HEATR1: variants seen among roughly 807,000 people sequenced by gnomAD.
HEATR1 encodes the protein HEAT repeat containing 1.
A neutral mutation model predicts 248.2 loss-of-function variants in HEATR1; 77 were observed. That is an observed-to-expected ratio of 0.31 (90% CI 0.26 to 0.37). The LOEUF is 0.37. Among genes scored for constraint, HEATR1 ranks in the 10% least tolerant of loss-of-function variants. The probability of loss-of-function intolerance (pLI) is 1.00; values close to 1 mark genes in which losing one functional copy is unlikely to be tolerated. For synonymous variants in HEATR1, 897 were observed against 923.1 expected (o/e 0.97, Z 0.51); for missense variants, 2,420 against 2,504.9 (o/e 0.97, Z 0.72).
chr1:236,551,132 G>C (rs1340980961), intron 44 of HEATR1, 142 bp from the exon 45 acceptor site: 1 of 656,820 alleles, frequency 1.5e-6, no homozygotes, highest in Non-Finnish European at 2.5e-6. Context: ...AACAAAGCAG[G>C]AGGCGCCACG....
intron 20 of HEATR1, among the ~76,000 whole-genome samples, chr1:236,579,471 G>A (rs1372992909): frequency 6.6e-6 from 1 of 152,108 alleles, no homozygotes; most frequent in East Asian, 1.9e-4. Flanking sequence ...TAAAATATAT[G>A]TACCTTTTTG....
At position 236,569,120 on chromosome 1, in the gene HEATR1, T is replaced by C; in HGVS notation, c.3953A>G (p.Lys1318Arg). ...LGTVAGIFPDKVLHNIMSIFT... is the reference protein window; with the variant it reads ...LGTVAGIFPDRVLHNIMSIFT... ...AATAGACATGATATTGTGTAAAACT[T>C]TATCCTGAAAGAAAACACAACTATC... is the stretch of plus-strand genomic sequence containing the variant. Residue 1318 changes from lysine (K) to arginine (R), a missense_variant, in exon 29 of 45, where the codon AAA becomes AGA. By Grantham distance (26) the Lys-to-Arg change is conservative. Coordinates refer to ENST00000366582, the MANE Select transcript of HEATR1 (RefSeq NM_018072.6). 6.4e-7 allele frequency: 1 copy of C among 1,574,354 alleles called. No homozygotes were observed. Among genetic ancestry groups the C allele is most frequent in the Admixed American group, 2.1e-5 (1 of 48,300 alleles).
intron 13 of HEATR1, 124 bp from the exon 14 acceptor site, chr1:236,587,614 TA>T: frequency 2.1e-6 from 1 of 466,202 alleles, no homozygotes; most frequent in South Asian, 6.7e-5. Context: ...TAGTACAAAT[TA>T]AAAGTTTTAA....
chr1:236,572,874 T>C (rs1202578059), intron 24 of HEATR1, 46 bp from the exon 25 acceptor site: 2 of 1,511,084 alleles, frequency 1.3e-6, no homozygotes, highest in African/African-American at 2.7e-5. Flanking sequence ...TCCATTGGGA[T>C]AAAATTAGAG....
At position 236,578,055 on chromosome 1, in the gene HEATR1, T is replaced by C. The variant is rs181579723; in HGVS notation, c.2756-1106A>G. On this transcript the variant is annotated intron_variant, in intron 20 of 44. Transcript: ENST00000366582. Reference sequence around the variant, plus strand: ...AGAGTCAAGTTTTTCTTCTACTTTTTTTCTGGTGCTTAGAAAGGCCCTCCT... The same window carrying C: ...AGAGTCAAGTTTTTCTTCTACTTTTCTTCTGGTGCTTAGAAAGGCCCTCCT... Among the ~76,000 whole-genome samples, 11 of 152,318 alleles carry C rather than the reference T, an allele frequency of 7.2e-5. No homozygotes were observed. The East Asian group carries it at 1.9e-3, about 27-fold the overall frequency.
In HEATR1 at chr1:236,572,565, G is replaced by T. The variant is rs758202813; in HGVS notation, c.3564-11C>A. On this transcript the variant is annotated splice_polypyrimidine_tract_variant and intron_variant, in intron 25 of 44. Coordinates refer to ENST00000366582, the MANE Select transcript of HEATR1 (RefSeq NM_018072.6). ...AGATCTTGTGATTTTCTGGAAAATG[G>T]AGAAGACAAAACGTTGGAAAAGCAA... 6.2e-7 allele frequency: 1 copy of T among 1,613,482 alleles called. No individual in the cohort carries two copies. Among genetic ancestry groups the T allele is most frequent in the South Asian group, 1.1e-5 (1 of 91,014 alleles).
chr1:236,571,601 T>C lies in HEATR1; in HGVS notation c.3793A>G (p.Lys1265Glu). ...ATTTTGCCACCATCTGGAGATAGTT[T>C]TTGGCAGATGTTGAGCAGACAACTA... Reference protein sequence around the residue: ...ILSCLLNICQKLSPDGGKIPK... With the variant: ...ILSCLLNICQELSPDGGKIPK... The change falls in exon 27 of 45, where the codon AAA becomes GAA. Residue 1265 changes from lysine to glutamate, a missense_variant. Coordinates refer to ENST00000366582, the MANE Select transcript of HEATR1 (RefSeq NM_018072.6). 1 of 1,614,080 alleles carries C rather than the reference T, an allele frequency of 6.2e-7. No individual in the cohort carries two copies. The highest frequency in any genetic ancestry group is 8.5e-7 in the Non-Finnish European group (1 of 1,179,912).
rs560223091 is a variant in HEATR1, at chr1:236,564,852, G to T, written c.4436-191C>A. On this transcript the variant is annotated intron_variant, in intron 31 of 44. Coordinates refer to ENST00000366582, the MANE Select transcript of HEATR1 (RefSeq NM_018072.6). ...AAACGTGAGTGTATTTGCCAAGAAA[G>T]TACCCAGTGGCCCTGAGAAGCGAGT... Among the ~76,000 whole-genome samples, 34 of 152,302 alleles carry T rather than the reference G, an allele frequency of 2.2e-4. 1 individual carries two copies. In the South Asian group the frequency reaches 6.8e-3, roughly 31 times the overall value.
intron 25 of HEATR1, 44 bp from the exon 26 acceptor site, chr1:236,572,598 C>G: frequency 1.9e-6 from 3 of 1,611,440 alleles, no homozygotes; most frequent in Non-Finnish European, 2.5e-6. Context: ...CAAACTCTAT[C>G]ATGTGCTAAG....
chr1:236,598,100 C>G, intron 4 of HEATR1, 121 bp from the exon 5 acceptor site: 1 of 565,918 alleles, frequency 1.8e-6, no homozygotes, highest in South Asian at 3.0e-5. Flanking sequence ...TATAATCTCT[C>G]CTTATAACTG....
chr1:236,559,655 T>A, intron 34 of HEATR1, 59 bp downstream of exon 34: 1 of 1,529,196 alleles, frequency 6.5e-7, no homozygotes, highest in Non-Finnish European at 8.9e-7. Context: ...TTACATAATT[T>A]CACAATAATT....
rs943244321 is a variant in HEATR1, at chr1:236,557,417, T to C, written c.5205-72A>G. On this transcript the variant is annotated intron_variant, in intron 36 of 44. Coordinates refer to ENST00000366582, the MANE Select transcript of HEATR1 (RefSeq NM_018072.6). ...GGCTAGGGAATGGAGTAGAGGGCATTATGAAAAAAACCAGCAAACTGTGCC... is the reference window on the plus strand; with the variant it reads ...GGCTAGGGAATGGAGTAGAGGGCATCATGAAAAAAACCAGCAAACTGTGCC... 6 of 1,515,638 alleles carry C rather than the reference T, an allele frequency of 4.0e-6. No homozygotes were observed. In the African/African-American group the frequency reaches 7.0e-5, roughly 18 times the overall value. 93.9% of individuals were successfully genotyped at this position (1,515,638 alleles called of 1,614,324 possible).
rs772883589 is a variant in HEATR1, at chr1:236,564,594, A to G, written c.4503T>C (p.Asn1501=). The change falls in exon 32 of 45, where the codon AAT becomes AAC. Residue 1501 remains asparagine, a synonymous_variant. Transcript: ENST00000366582. ...ESQEEMLQVF[N]VETHTSKQLR... is the part of the protein sequence containing the mutation. The stretch of plus-strand genomic sequence containing the variant: ...GTTGCTTGCTAGTGTGAGTCTCTAC[A>G]TTAAAAACCTGTAGCATTTCTTCTT... 3 of 1,613,950 alleles carry G rather than the reference A, an allele frequency of 1.9e-6. No homozygotes were observed. Among genetic ancestry groups the G allele is most frequent in the African/African-American group, 1.3e-5 (1 of 75,060 alleles).
rs200043693 is a variant in HEATR1 at position 236,576,790 on chromosome 1, T to C, written c.2915A>G (p.Tyr972Cys). The C allele has an allele frequency of 1.1e-4, 179 of 1,611,242 alleles. No individual in the cohort carries two copies. Among genetic ancestry groups the C allele is most frequent in the African/African-American group, 2.1e-4 (16 of 74,748 alleles). Residue 972 changes from tyrosine to cysteine, a missense_variant, in exon 21 of 45, where the codon TAT becomes TGT. Physicochemically the swap from Tyr to Cys is radical, Grantham distance 194. Coordinates refer to ENST00000366582, the MANE Select transcript of HEATR1 (RefSeq NM_018072.6). ...TGCTAACGAGCTTACCTGAATAACA[T>C]AGGCAGCATCTGAAGTGATCTCCTC... The part of the protein sequence containing the change: ...KAEEITSDAA[Y>C]VIQDLATLFE...
intron 43 of HEATR1, 126 bp downstream of exon 43, chr1:236,553,455 G>T: frequency 2.0e-6 from 2 of 997,604 alleles, no homozygotes; most frequent in Non-Finnish European, 1.4e-6. Context: ...CTCTAGTACT[G>T]GATGACAAAT....
In HEATR1 at chr1:236,550,029, A is replaced by G. The variant is rs1027523967; in HGVS notation, c.*873T>C. ...TACGGGATGTTCTTAGATGCCTTTA[A>G]AAAGGGGGCAGATCTAATTTTATTT... is the stretch of plus-strand genomic sequence containing the variant. On this transcript the variant is annotated 3_prime_UTR_variant, in exon 45 of 45. Transcript: ENST00000366582. 9.9e-5 allele frequency: 15 copies of G among 152,232 alleles called. No individual in the cohort carries two copies. The highest frequency in any genetic ancestry group is 3.4e-4 in the African/African-American group (14 of 41,464). 9.4% of individuals were successfully genotyped at this position (152,232 alleles called of 1,614,324 possible).
chr1:236,603,263 C>T lies in HEATR1; in HGVS notation c.256G>A (p.Val86Ile), dbSNP rs935301093. The change falls in exon 3 of 45, where the codon GTA (valine) becomes ATA (isoleucine). Residue 86 changes from valine to isoleucine, a missense_variant. Transcript: ENST00000366582. ...ATGTTTTCATCCAACTGTTTGTTTA[C>T]TGCTTTGGTCTGAACACTTCGCTCC... ...TLERSVQTKA[V>I]NKQLDENISL... 1.9e-6 allele frequency: 3 copies of T among 1,614,132 alleles called. No homozygotes were observed. The highest frequency in any genetic ancestry group is 2.5e-6 in the Non-Finnish European group (3 of 1,179,986).
intron 29 of HEATR1, among the ~76,000 whole-genome samples, chr1:236,568,005 G>C (rs1663319595): frequency 1.3e-5 from 2 of 152,206 alleles, no homozygotes; most frequent in Admixed American, 1.3e-4. Flanking sequence ...TTGAATGAAT[G>C]AATAAACCAA....
Position 236,566,711 on chromosome 1 carries a change from G to A in HEATR1, c.4243C>T (p.Leu1415Phe), listed in dbSNP as rs1572037160. Reference protein sequence around the residue: ...TLGAEKFLWILLILLFEQYVT... With the variant: ...TLGAEKFLWIFLILLFEQYVT... Reference sequence around the variant, plus strand: ...TACTGTTCAAAAAGCAAGATGAGGAGAATCCAGAGGAATTTCTCTGCACCC... The same window carrying A: ...TACTGTTCAAAAAGCAAGATGAGGAAAATCCAGAGGAATTTCTCTGCACCC... Residue 1415 changes from leucine (L) to phenylalanine (F), a missense_variant, in exon 30 of 45, where the codon CTC (leucine) becomes TTC (phenylalanine). Leu to Phe is a conservative substitution (Grantham distance 22, BLOSUM62 0). Coordinates refer to ENST00000366582, the MANE Select transcript of HEATR1 (RefSeq NM_018072.6). The A allele has an allele frequency of 1.2e-6, 2 of 1,614,128 alleles. No homozygotes were observed. The highest frequency in any genetic ancestry group is 1.7e-6 in the Non-Finnish European group (2 of 1,180,020).
Sources: allele counts gnomAD v4.1 joint callset (sites outside exome capture counted in the v4.1 genomes callset), GRCh38; gene constraint gnomAD v4.1.1; transcripts MANE v1.5; gene names NCBI Gene and HGNC (gene_info 2026-07-23, HGNC 2026-07-21).